TRAF2: variants seen among roughly 807,000 people sequenced by gnomAD.
TRAF2 encodes TNF receptor-associated factor 2.
TRAF2 carries 6 observed loss-of-function variants against 55.6 expected under a neutral mutation model. The ratio of observed to expected loss-of-function variants is 0.11; its 90% CI spans 0.06 to 0.21. The LOEUF is 0.21. Ranked by LOEUF, TRAF2 falls within the 10% of genes least tolerant of loss-of-function variation. The pLI, the probability that TRAF2 is intolerant of heterozygous loss-of-function variation, is 1.00. For missense variants in TRAF2, 561 were observed against 684.5 expected (o/e 0.82, Z 2.01); for synonymous variants, 329 against 276.3 (o/e 1.19, Z -1.89).
At chr9:136,909,537 G>A (rs887414440) in intron 5 of TRAF2, among the ~76,000 whole-genome samples, 3 of 152,136 alleles carry the variant, frequency 2.0e-5, no homozygotes, top group African/African-American at 7.2e-5. Context: ...CAGCATGTCA[G>A]GGTCTGTCTT....
intron 6 of TRAF2, chr9:136,910,202 C>G: frequency 1.6e-6 from 1 of 608,116 alleles, no homozygotes; most frequent in East Asian, 2.8e-5. Flanking sequence ...AGTCCCGAGC[C>G]CTCTTCCTCA....
In TRAF2 at chr9:136,908,193, C is replaced by T. The variant is rs762052203; in HGVS notation, c.490C>T (p.Arg164Trp). Reference sequence around the variant, plus strand: ...GTGCCCGGAGAGAAGCCTGAGCTGCCGGCATTGCCGGGCACCCTGCTGCGG... The same window carrying T: ...GTGCCCGGAGAGAAGCCTGAGCTGCTGGCATTGCCGGGCACCCTGCTGCGG... ...HECPERSLSC[R>W]HCRAPCCGAD... Residue 164 changes from arginine (R) to tryptophan (W), a missense_variant, in exon 5 of 11, where the codon CGG becomes TGG. By Grantham distance (101) the Arg-to-Trp change is moderately radical. Coordinates refer to ENST00000247668, the MANE Select transcript of TRAF2 (RefSeq NM_021138.4). 2.1e-5 allele frequency: 34 copies of T among 1,599,232 alleles called. No homozygotes were observed. Among genetic ancestry groups the T allele is most frequent in the African/African-American group, 5.3e-5 (4 of 74,906 alleles).
chr9:136,915,831 T>C (rs1004048157), intron 6 of TRAF2, among the ~76,000 whole-genome samples: 5 of 152,216 alleles, frequency 3.3e-5, no homozygotes, highest in African/African-American at 9.6e-5. Context: ...AAGGTTCTTA[T>C]GTGACTGTTT....
At chr9:136,902,374 A>C (rs997893749) in intron 4 of TRAF2, 9 of 152,308 alleles carry the variant, frequency 5.9e-5, no homozygotes, top group Non-Finnish European at 7.3e-5. Flanking sequence ...CTTTGAGAGG[A>C]CTGAGGAGTG....
intron 1 of TRAF2, chr9:136,886,857 C>T (rs1277340615): frequency 6.5e-6 from 1 of 153,706 alleles, no homozygotes; most frequent in Non-Finnish European, 1.4e-5. Context: ...CGCCTGAGGC[C>T]CGTGGGCGGC....
chr9:136,917,003 C>G (rs745447124), intron 7 of TRAF2, among the ~76,000 whole-genome samples: 5 of 152,156 alleles, frequency 3.3e-5, no homozygotes, highest in African/African-American at 7.2e-5. Flanking sequence ...TCTAACCCAG[C>G]GGCTGTCGCT....
At chr9:136,921,309 G>T in intron 9 of TRAF2, 94 bp downstream of exon 9, 1 of 1,505,446 alleles carries the variant, frequency 6.6e-7, no homozygotes, top group Non-Finnish European at 9.0e-7. Flanking sequence ...GCTCCCAAGG[G>T]TGGGGCTGGG....
At chr9:136,917,028 C>T (rs1359822515) in intron 7 of TRAF2, among the ~76,000 whole-genome samples, 2 of 152,194 alleles carry the variant, frequency 1.3e-5, no homozygotes, top group East Asian at 1.9e-4. Flanking sequence ...CCTCCGCCAC[C>T]AGCAGGCACT....
chr9:136,885,456 TGCA>T (rs905900567), upstream of TRAF2, among the ~76,000 whole-genome samples: 5 of 152,176 alleles, frequency 3.3e-5, no homozygotes, highest in African/African-American at 1.2e-4. Context: ...GCCTCCCCCA[TGCA>T]GCCCACAGGA....
chr9:136,892,686 C>T (rs959616511), intron 1 of TRAF2, among the ~76,000 whole-genome samples: 5 of 152,020 alleles, frequency 3.3e-5, no homozygotes, highest in African/African-American at 1.2e-4. Flanking sequence ...TCGAGACCAG[C>T]CTGGCCAACA....
At chr9:136,919,999 C>T (rs1311763174) in intron 7 of TRAF2, among the ~76,000 whole-genome samples, 2 of 152,328 alleles carry the variant, frequency 1.3e-5, no homozygotes, top group East Asian at 1.9e-4. Flanking sequence ...ATCACAGTTG[C>T]TAGCTACTGT....
At chr9:136,892,651 G>T (rs1180822835) in intron 1 of TRAF2, among the ~76,000 whole-genome samples, 1 of 152,158 alleles carries the variant, frequency 6.6e-6, no homozygotes, top group Non-Finnish European at 1.5e-5. Flanking sequence ...AGATTGAGGT[G>T]GGCAGATTAT....
chr9:136,918,227 T>TATATA (rs1850286424), intron 7 of TRAF2, among the ~76,000 whole-genome samples: 5 of 68,080 alleles, frequency 7.3e-5, no homozygotes, highest in African/African-American at 4.0e-4. Flanking sequence ...AGTGTTTTGT[T>TATATA]TATATATATA....
At chr9:136,909,138 C>T (rs1036807643) in intron 5 of TRAF2, among the ~76,000 whole-genome samples, 4 of 149,576 alleles carry the variant, frequency 2.7e-5, no homozygotes, top group Admixed American at 6.7e-5. Context: ...GTAGAGAGTG[C>T]GGTGGTGGGT....
upstream of TRAF2, among the ~76,000 whole-genome samples, chr9:136,883,502 T>TC: frequency 6.6e-6 from 1 of 152,050 alleles, no homozygotes; most frequent in East Asian, 1.9e-4. Context: ...AAGTAGAGTG[T>TC]CCTAAAACAG....
intron 1 of TRAF2, among the ~76,000 whole-genome samples, chr9:136,895,928 C>T (rs1849670240): frequency 6.6e-6 from 1 of 151,766 alleles, no homozygotes; most frequent in Admixed American, 6.6e-5. Context: ...AGGTTGCCCT[C>T]TTGGGAGGGG....
intron 6 of TRAF2, among the ~76,000 whole-genome samples, chr9:136,915,120 G>A (rs17250483): frequency 0.026 from 3,932 of 152,096 alleles, 169 homozygotes; most frequent in African/African-American, 0.091. Context: ...CAGAGGTTGC[G>A]GTGAGCTGAA....
chr9:136,924,054 C>A, intron 10 of TRAF2, 54 bp downstream of exon 10: 1 of 1,595,600 alleles, frequency 6.3e-7, no homozygotes, highest in Non-Finnish European at 8.5e-7. Context: ...TCCCTCTGGG[C>A]AGTGCAGCTT....
chr9:136,913,128 G>A (rs1375942399), intron 6 of TRAF2, among the ~76,000 whole-genome samples: 1 of 151,968 alleles, frequency 6.6e-6, no homozygotes, highest in African/African-American at 2.4e-5. Context: ...GGGCCACAGA[G>A]TGAAACTCCA....
Sources: allele counts gnomAD v4.1 joint callset (sites outside exome capture counted in the v4.1 genomes callset), GRCh38; gene constraint gnomAD v4.1.1; transcripts MANE v1.5; gene names NCBI Gene and HGNC (gene_info 2026-07-23, HGNC 2026-07-21).